The following CDC14A variants were observed in gnomAD, a reference collection of about 807,000 sequenced individuals.
CDC14A encodes cell division cycle 14A, also known as dual specificity protein phosphatase CDC14A.
In CDC14A, 53 loss-of-function variants were observed where a neutral mutation model predicts 74.4. The ratio of observed to expected loss-of-function variants is 0.71; its 90% CI spans 0.57 to 0.89. The LOEUF (loss-of-function observed/expected upper bound fraction) is 0.89. Among genes scored for constraint, CDC14A ranks in the 40% least tolerant of loss-of-function variants. The pLI, the probability that CDC14A is intolerant of heterozygous loss-of-function variation, is 0.00. For missense variants in CDC14A, 646 were observed against 713.7 expected, an observed-to-expected ratio of 0.91 and a Z score of 1.08; for synonymous variants, 247 against 258.4, an observed-to-expected ratio of 0.96 and a Z score of 0.43.
At chr1:100,356,709 C>A (rs956243794) in intron 2 of CDC14A, among the ~76,000 whole-genome samples, 1 of 151,826 alleles carries the variant, frequency 6.6e-6, no homozygotes, top group Non-Finnish European at 1.5e-5. Flanking sequence ...CAAAAATTAG[C>A]TGGGCATGGT....
chr1:100,363,456 C>T (rs1653084910), intron 2 of CDC14A, among the ~76,000 whole-genome samples: 1 of 152,140 alleles, frequency 6.6e-6, no homozygotes. Flanking sequence ...TAAATGATCA[C>T]AATTATTTGT....
chr1:100,499,346 A>G lies in CDC14A; in HGVS notation c.1755+84A>G, dbSNP rs1454722041. On this transcript the variant is annotated intron_variant, in intron 15 of 15. Coordinates refer to ENST00000336454, the MANE Select transcript of CDC14A (RefSeq NM_003672.4). ...TGCCTTCCCAGCCGAGGCTGCCACC[A>G]AAGAAATTTAATAGTGCCAAGGAAG... 8 of 1,613,594 alleles carry G rather than the reference A, an allele frequency of 5.0e-6. No homozygotes were observed. In the Admixed American group the frequency reaches 5.0e-5, roughly 10 times the overall value.
intron 10 of CDC14A, among the ~76,000 whole-genome samples, chr1:100,470,699 T>G (rs914797911): frequency 6.6e-6 from 1 of 152,152 alleles, no homozygotes; most frequent in Non-Finnish European, 1.5e-5. Context: ...TATGAAAAGA[T>G]GTCCAACATC....
At chr1:100,446,749 G>A (rs1665582678) in intron 7 of CDC14A, among the ~76,000 whole-genome samples, 1 of 152,164 alleles carries the variant, frequency 6.6e-6, no homozygotes, top group Non-Finnish European at 1.5e-5. Flanking sequence ...CCAGGCTGGA[G>A]TGCAGTGGTG....
chr1:100,491,032 T>C (rs1301242725), intron 11 of CDC14A, among the ~76,000 whole-genome samples: 2 of 152,156 alleles, frequency 1.3e-5, no homozygotes, highest in African/African-American at 2.4e-5. Flanking sequence ...CTTAAGGCAA[T>C]AATAAGTCTT....
chr1:100,461,491 A>G (rs1050812873), intron 8 of CDC14A, among the ~76,000 whole-genome samples: 1 of 152,248 alleles, frequency 6.6e-6, no homozygotes, highest in African/African-American at 2.4e-5. Context: ...TCCAACTGAG[A>G]TAATTGCACT....
intron 7 of CDC14A, among the ~76,000 whole-genome samples, chr1:100,445,563 A>C (rs996049069): frequency 6.6e-6 from 1 of 152,216 alleles, no homozygotes; most frequent in Non-Finnish European, 1.5e-5. Context: ...GGTGAGAGAG[A>C]AGAAGGAACA....
intron 11 of CDC14A, 41 bp from the exon 12 acceptor site, chr1:100,494,777 C>T (rs773906330): frequency 5.5e-5 from 64 of 1,154,408 alleles, no homozygotes; most frequent in Non-Finnish European, 7.4e-5. Context: ...CTATATAAAG[C>T]CAAATTTTGA....
chr1:100,507,308 C>T (rs537937525), intron 15 of CDC14A, among the ~76,000 whole-genome samples: 1 of 152,256 alleles, frequency 6.6e-6, no homozygotes, highest in South Asian at 2.1e-4. Context: ...AGAATAAGAC[C>T]AAATATTATA....
intron 15 of CDC14A, among the ~76,000 whole-genome samples, chr1:100,516,423 A>G (rs1485393137): frequency 6.6e-6 from 1 of 152,226 alleles, no homozygotes; most frequent in Non-Finnish European, 1.5e-5. Flanking sequence ...TGGAGCTTGC[A>G]AAAACAACTT....
chr1:100,397,637 T>C (rs1176841267), intron 4 of CDC14A, among the ~76,000 whole-genome samples: 4 of 152,182 alleles, frequency 2.6e-5, no homozygotes, highest in Non-Finnish European at 5.9e-5. Flanking sequence ...GATGTTAAAA[T>C]AAGTGTGACT....
chr1:100,455,296 A>G (rs1666568046), intron 7 of CDC14A, 109 bp from the exon 8 acceptor site: 2 of 675,264 alleles, frequency 3.0e-6, no homozygotes, highest in Non-Finnish European at 5.1e-6. Flanking sequence ...GTCTACATGT[A>G]TGTCTAATTA....
At chr1:100,499,919 A>G (rs187017051) in intron 15 of CDC14A, among the ~76,000 whole-genome samples, 3 of 152,296 alleles carry the variant, frequency 2.0e-5, no homozygotes, top group East Asian at 3.9e-4. Flanking sequence ...GGTGTTTAAA[A>G]GTAGCCAGCA....
Position 100,498,168 on chromosome 1 carries a change from T to C in CDC14A, c.1382T>C (p.Ile461Thr). 6.2e-7 allele frequency: 1 copy of C among 1,614,088 alleles called. No individual in the cohort carries two copies. The highest frequency in any genetic ancestry group is 8.5e-7 in the Non-Finnish European group (1 of 1,179,956). ...ALSPSATAKRINRTSLSSGAT... is the reference protein window; with the variant it reads ...ALSPSATAKRTNRTSLSSGAT... ...TCCCCTTCAGCAACGGCCAAGAGGA[T>C]CAACAGAACTTCTTTGTCTTCGGGT... The change falls in exon 14 of 16, where the codon ATC becomes ACC. Residue 461 changes from isoleucine to threonine, a missense_variant. By Grantham distance (89) the Ile-to-Thr change is moderately conservative. Transcript: ENST00000336454.
Position 100,377,539 on chromosome 1 carries a change from A to G in CDC14A, c.141-7A>G, listed in dbSNP as rs370778897. 1 of 1,606,662 alleles carries G rather than the reference A, an allele frequency of 6.2e-7. No homozygotes were observed. Among genetic ancestry groups the G allele is most frequent in the Non-Finnish European group, 8.5e-7 (1 of 1,174,758 alleles). Reference sequence around the variant, plus strand: ...ATACTACGTTTTTTGTTTTTCTTGTATCTTAGTTTCTATGCAGATTTTGGA... The same window carrying G: ...ATACTACGTTTTTTGTTTTTCTTGTGTCTTAGTTTCTATGCAGATTTTGGA... On this transcript the variant is annotated splice_polypyrimidine_tract_variant and splice_region_variant and intron_variant, in intron 2 of 15. Coordinates refer to ENST00000336454, the MANE Select transcript of CDC14A (RefSeq NM_003672.4).
intron 5 of CDC14A, among the ~76,000 whole-genome samples, chr1:100,427,444 T>G (rs1289135076): frequency 6.6e-6 from 1 of 152,192 alleles, no homozygotes; most frequent in Non-Finnish European, 1.5e-5. Flanking sequence ...AATGCTGTTT[T>G]TCAAATTTTT....
chr1:100,510,766 C>G (rs561394267), intron 15 of CDC14A, among the ~76,000 whole-genome samples: 1 of 152,352 alleles, frequency 6.6e-6, no homozygotes, highest in African/African-American at 2.4e-5. Flanking sequence ...TTGGCTCCAT[C>G]TCAAATGTGT....
At chr1:100,497,141 CAT>C (rs1647966177) in intron 13 of CDC14A, among the ~76,000 whole-genome samples, 1 of 152,090 alleles carries the variant, frequency 6.6e-6, no homozygotes, top group South Asian at 2.1e-4. Context: ...TATGATGAAA[CAT>C]ATATTGCTTG....
At chr1:100,386,062 G>T (rs769095145) in intron 3 of CDC14A, among the ~76,000 whole-genome samples, 5 of 152,040 alleles carry the variant, frequency 3.3e-5, no homozygotes, top group Non-Finnish European at 7.4e-5. Context: ...AGCTACTCAG[G>T]AGGCTGAGGC....
Sources: allele counts gnomAD v4.1 joint callset (sites outside exome capture counted in the v4.1 genomes callset), GRCh38; gene constraint gnomAD v4.1.1; transcripts MANE v1.5; gene names NCBI Gene and HGNC (gene_info 2026-07-23, HGNC 2026-07-21).